MFSD6: variants seen among roughly 807,000 people sequenced by gnomAD.
The protein encoded by MFSD6 is major facilitator superfamily domain-containing protein 6.
A neutral mutation model predicts 56.3 loss-of-function variants in MFSD6; 26 were observed. The observed-to-expected ratio is 0.46, with a 90% CI of 0.34 to 0.64. MFSD6 has a LOEUF of 0.64. MFSD6 is among the 30% of genes least tolerant of loss of function. The pLI is 0.01. For synonymous variants in MFSD6, 331 were observed against 366.9 expected (o/e 0.90, Z 1.12); for missense variants, 750 against 986.2 (o/e 0.76, Z 3.21).
rs1189550094 is a variant in MFSD6, at chr2:190,425,929, T to C, written c.-53-10048T>C. On this transcript the variant is annotated intron_variant, in intron 2 of 7. Coordinates refer to ENST00000392328, the MANE Select transcript of MFSD6 (RefSeq NM_017694.4). The surrounding 1 kb of genome is among the most constrained non-coding windows in gnomAD (Gnocchi z 4.3). Reference sequence around the variant, plus strand: ...ATGGTTTCTCAGAAATCTGCTATCATTTCAATTGTTTTTCTCCCATTGGTA... The same window carrying C: ...ATGGTTTCTCAGAAATCTGCTATCACTTCAATTGTTTTTCTCCCATTGGTA... 1.3e-5 allele frequency among the ~76,000 whole-genome samples: 2 copies of C among 152,240 alleles called. No homozygotes were observed. The highest frequency in any genetic ancestry group is 2.9e-5 in the Non-Finnish European group (2 of 68,028).
Position 190,500,284 on chromosome 2 carries a change from C to G in MFSD6, c.*66C>G. The G allele has an allele frequency of 6.4e-7, 1 of 1,562,426 alleles. No homozygotes were observed. The highest frequency in any genetic ancestry group is 2.3e-5 in the East Asian group (1 of 44,184). On this transcript the variant is annotated 3_prime_UTR_variant, in exon 8 of 8. Coordinates refer to ENST00000392328, the MANE Select transcript of MFSD6 (RefSeq NM_017694.4). The surrounding 1 kb of genome is among the most constrained non-coding windows in gnomAD (Gnocchi z 5.3). ...CCTCAGCCAGGACACAGGGTGAGGC[C>G]CCCCAGCCAGGATATGCCTCCCCTG...
intron 3 of MFSD6, among the ~76,000 whole-genome samples, chr2:190,445,654 A>C (rs1343130286): frequency 1.3e-5 from 2 of 152,212 alleles, no homozygotes; most frequent in Non-Finnish European, 2.9e-5. Context: ...AATTTATTTC[A>C]TATGATGGTG....
At position 190,499,044 on chromosome 2, in the gene MFSD6, A is replaced by G. The variant is rs991217005; in HGVS notation, c.2173-971A>G. On this transcript the variant is annotated intron_variant, in intron 7 of 7. Coordinates refer to ENST00000392328, the MANE Select transcript of MFSD6 (RefSeq NM_017694.4). The surrounding 1 kb of genome is among the most constrained non-coding windows in gnomAD (Gnocchi z 6.0). ...GTGCCTGTAATCCCAGCTACTATGG[A>G]AGGCTGAGGCAGAGAATTGCTTGAA... 6.6e-6 allele frequency among the ~76,000 whole-genome samples: 1 copy of G among 152,112 alleles called. No individual in the cohort carries two copies. Among genetic ancestry groups the G allele is most frequent in the Admixed American group, 6.5e-5 (1 of 15,270 alleles).
chr2:190,481,032 C>G (rs1051623568), intron 4 of MFSD6, among the ~76,000 whole-genome samples: 3 of 152,188 alleles, frequency 2.0e-5, no homozygotes, highest in Non-Finnish European at 2.9e-5. Context: ...TCAGTGCACA[C>G]TATTAATAAA....
Position 190,497,442 on chromosome 2 carries a change from A to C in MFSD6, c.1895A>C (p.Lys632Thr). Residue 632 changes from lysine to threonine, a missense_variant, in exon 7 of 8, where the codon AAG becomes ACG. Lys to Thr is a moderately conservative substitution (Grantham distance 78). This residue lies in a region of MFSD6 where 172 missense variants were observed against 203.9 expected (regional missense o/e 0.84). Coordinates refer to ENST00000392328, the MANE Select transcript of MFSD6 (RefSeq NM_017694.4). The surrounding 1 kb of genome is among the most constrained non-coding windows in gnomAD (Gnocchi z 5.2). ...WLAVPDEEED[K>T]TMLAERIPVP... ...TTAAACATTCTTTTCTCTCCAGACA[A>C]GACAATGTTGGCAGAAAGAATTCCT... is the stretch of plus-strand genomic sequence containing the variant. The C allele has an allele frequency of 6.2e-7, 1 of 1,613,358 alleles. No homozygotes were observed.
chr2:190,489,648 T>G lies in MFSD6; in HGVS notation c.1793-120T>G. On this transcript the variant is annotated intron_variant, in intron 5 of 7. Coordinates refer to ENST00000392328, the MANE Select transcript of MFSD6 (RefSeq NM_017694.4). The surrounding 1 kb of genome is among the most constrained non-coding windows in gnomAD (Gnocchi z 6.6). Reference sequence around the variant, plus strand: ...ATGTGGAGCTAATACCCAACTACTTTTCTCTGGTTTGTCTCAAGCTGTGCT... The same window carrying G: ...ATGTGGAGCTAATACCCAACTACTTGTCTCTGGTTTGTCTCAAGCTGTGCT... The G allele has an allele frequency of 1.1e-6, 1 of 909,092 alleles. No homozygotes were observed. Among genetic ancestry groups the G allele is most frequent in the Non-Finnish European group, 1.7e-6 (1 of 605,168 alleles). 56.3% of individuals were successfully genotyped at this position (909,092 alleles called of 1,614,324 possible). A position where few individuals can be genotyped will look rare whatever the true frequency, so the allele number is the denominator to read the frequency against.
At chr2:190,493,661 A>T (rs1320123856) in intron 6 of MFSD6, among the ~76,000 whole-genome samples, 1 of 152,228 alleles carries the variant, frequency 6.6e-6, no homozygotes, top group Non-Finnish European at 1.5e-5. Context: ...AATTGAAATT[A>T]TATCAAGTAC....
rs1371654580 is a variant in MFSD6 at position 190,457,300 on chromosome 2, C to T, written c.1533-12458C>T. The stretch of plus-strand genomic sequence containing the variant: ...TCCTTGTCTCTGTGAAAAGAGCGAG[C>T]TGGATGCTATGGCTCCTTTCAGTTC... On this transcript the variant is annotated intron_variant, in intron 3 of 7. Transcript: ENST00000392328. This position sits in a 1 kb window ranked among gnomAD's most constrained non-coding sequence, Gnocchi z 5.1. Among the ~76,000 whole-genome samples the T allele has an allele frequency of 6.6e-6, 1 of 152,178 alleles. No individual in the cohort carries two copies. Among genetic ancestry groups the T allele is most frequent in the African/African-American group, 2.4e-5 (1 of 41,440 alleles).
chr2:190,409,283 C>G (rs956546646), intron 1 of MFSD6, among the ~76,000 whole-genome samples: 1 of 152,146 alleles, frequency 6.6e-6, no homozygotes, highest in East Asian at 1.9e-4. Flanking sequence ...AACTTTCCCC[C>G]TCGTTAATCC....
rs181182293 is a variant in MFSD6, at chr2:190,449,738, A to G, written c.1532+12177A>G. Among the ~76,000 whole-genome samples, 218 of 152,270 alleles carry G rather than the reference A, an allele frequency of 1.4e-3. 2 individuals are homozygous for G. The highest frequency in any genetic ancestry group is 5.2e-3 in the African/African-American group (214 of 41,550). ...AGGGACATGGATGAAATTGGAAATCATCATTCTCAGTAAACTATCGCAAGA... is the reference window on the plus strand; with the variant it reads ...AGGGACATGGATGAAATTGGAAATCGTCATTCTCAGTAAACTATCGCAAGA... On this transcript the variant is annotated intron_variant, in intron 3 of 7. Transcript: ENST00000392328.
chr2:190,452,197 G>A (rs1049300730), intron 3 of MFSD6, among the ~76,000 whole-genome samples: 1 of 152,070 alleles, frequency 6.6e-6, no homozygotes, highest in Non-Finnish European at 1.5e-5. Flanking sequence ...GGACGTTGCA[G>A]TGAGCCGAGA....
chr2:190,448,508 C>T (rs1686663312), intron 3 of MFSD6, among the ~76,000 whole-genome samples: 1 of 152,046 alleles, frequency 6.6e-6, no homozygotes. Flanking sequence ...GATCAATATG[C>T]CAACATGGAA....
chr2:190,467,600 G>A lies in MFSD6; in HGVS notation c.1533-2158G>A, dbSNP rs939210307. 1.8e-4 allele frequency among the ~76,000 whole-genome samples: 28 copies of A among 152,218 alleles called. No individual in the cohort carries two copies. The highest frequency in any genetic ancestry group is 6.5e-4 in the African/African-American group (27 of 41,548). ...TGCTCTCTAGCCTCGGCAACAGAGC[G>A]AGACTCTGTCTCAAAAAAAGAAAAA... is the stretch of plus-strand genomic sequence containing the variant. On this transcript the variant is annotated intron_variant, in intron 3 of 7. Transcript: ENST00000392328. This position sits in a 1 kb window ranked among gnomAD's most constrained non-coding sequence, Gnocchi z 5.5.
In MFSD6 at chr2:190,416,110, C is replaced by A. The variant is rs1179808522; in HGVS notation, c.-54+697C>A. On this transcript the variant is annotated intron_variant, in intron 2 of 7. Coordinates refer to ENST00000392328, the MANE Select transcript of MFSD6 (RefSeq NM_017694.4). The surrounding 1 kb of genome is among the most constrained non-coding windows in gnomAD (Gnocchi z 4.1). ...ATGCTATATTGGCACAATATTTAAT[C>A]AGGAGTCTAAAACTAATAAGTAGGA... is the stretch of plus-strand genomic sequence containing the variant. Among the ~76,000 whole-genome samples the A allele has an allele frequency of 6.6e-6, 1 of 152,144 alleles. No homozygotes were observed. The highest frequency in any genetic ancestry group is 1.5e-5 in the Non-Finnish European group (1 of 68,028).
intron 3 of MFSD6, among the ~76,000 whole-genome samples, chr2:190,446,057 C>A (rs758267177): frequency 4.4e-4 from 67 of 152,162 alleles, no homozygotes; most frequent in Non-Finnish European, 6.9e-4. Context: ...TAAAAAATGT[C>A]TTTGTGAATT....
intron 2 of MFSD6, chr2:190,435,747 C>A: frequency 3.0e-6 from 1 of 331,474 alleles, no homozygotes; most frequent in Admixed American, 4.4e-5. Context: ...AGCTGTAAAC[C>A]TGCCATTGGA....
Position 190,499,961 on chromosome 2 carries a change from T to A in MFSD6, c.2173-54T>A. On this transcript the variant is annotated intron_variant, in intron 7 of 7. Transcript: ENST00000392328. The surrounding 1 kb of genome is among the most constrained non-coding windows in gnomAD (Gnocchi z 6.0). ...CTTACTTGAAAGCATATATAAAAAG[T>A]TGGATTTATTTGCTATCACTGATCA... 6.2e-7 allele frequency: 1 copy of A among 1,605,958 alleles called. No homozygotes were observed.
rs759106050 is a variant in MFSD6, at chr2:190,469,883, T to A, written c.1630+28T>A. On this transcript the variant is annotated intron_variant, in intron 4 of 7. Transcript: ENST00000392328. This position sits in a 1 kb window ranked among gnomAD's most constrained non-coding sequence, Gnocchi z 5.3. ...AAGTTAACAGCTGGGATTGAAATTA[T>A]TTCTCTGCCTTCCCTGAGCTGTGGC... 6.7e-7 allele frequency: 1 copy of A among 1,502,064 alleles called. No individual in the cohort carries two copies. Among genetic ancestry groups the A allele is most frequent in the South Asian group, 1.2e-5 (1 of 86,718 alleles). The allele number at this position is 1,502,064 out of a possible 1,614,324, so 93.0% of individuals were successfully genotyped here.
At chr2:190,483,701 G>A (rs1440850240) in intron 4 of MFSD6, among the ~76,000 whole-genome samples, 1 of 151,938 alleles carries the variant, frequency 6.6e-6, no homozygotes, top group Non-Finnish European at 1.5e-5. Flanking sequence ...TGGGCGTGGT[G>A]GCACACACCT....
Sources: allele counts gnomAD v4.1 joint callset (sites outside exome capture counted in the v4.1 genomes callset), GRCh38; gene constraint gnomAD v4.1.1; regional missense constraint gnomAD v4.1.1; non-coding constraint Gnocchi (gnomAD v3.1); transcripts MANE v1.5; gene names NCBI Gene and HGNC (gene_info 2026-07-23, HGNC 2026-07-21).